Variants in IL1RAPL2 observed in about 807,000 individuals in gnomAD.
IL1RAPL2 encodes interleukin 1 receptor accessory protein like 2, also known as X-linked interleukin-1 receptor accessory protein-like 2.
A neutral mutation model predicts 44.1 loss-of-function variants in IL1RAPL2; 3 were observed. That is an observed-to-expected ratio of 0.07 (90% CI 0.03 to 0.18). The LOEUF (loss-of-function observed/expected upper bound fraction) is 0.18. Ranked by LOEUF, IL1RAPL2 falls within the 10% of genes least tolerant of loss-of-function variation. The probability of loss-of-function intolerance (pLI) is 1.00; values close to 1 mark genes in which losing one functional copy is unlikely to be tolerated. For missense variants in IL1RAPL2, 391 were observed against 496.4 expected (o/e 0.79, Z 2.02); for synonymous variants, 181 against 178.8 (o/e 1.01, Z -0.10).
chrX:105,041,272 A>G (rs772553162), intron 2 of IL1RAPL2, among the ~76,000 whole-genome samples: 2,928 of 110,783 alleles, frequency 0.026, 35 homozygotes, highest in Non-Finnish European at 0.04. Flanking sequence ...GTTCTTTTAC[A>G]TTTGCTGAGG....
chrX:105,014,874 C>T (rs1385310710), intron 2 of IL1RAPL2, among the ~76,000 whole-genome samples: 1 of 111,815 alleles, frequency 8.9e-6, no homozygotes, highest in Non-Finnish European at 1.9e-5. Context: ...GTTCTAGATC[C>T]TTGAGGAATT....
intron 1 of IL1RAPL2, among the ~76,000 whole-genome samples, chrX:104,611,831 C>T (rs1200712334): frequency 1.2e-4 from 7 of 57,444 alleles, no homozygotes; most frequent in African/African-American, 5.3e-4. Context: ...AGCGAGACTC[C>T]ATCTCAAAAA....
chrX:105,636,562 T>C (rs762139863), intron 6 of IL1RAPL2, among the ~76,000 whole-genome samples: 11 of 111,590 alleles, frequency 9.9e-5, no homozygotes, highest in African/African-American at 2.9e-4. Context: ...CAGATGTTAG[T>C]GTGAAACTGT....
intron 7 of IL1RAPL2, among the ~76,000 whole-genome samples, chrX:105,738,385 T>G (rs2038467765): frequency 9.0e-6 from 1 of 111,109 alleles, no homozygotes; most frequent in African/African-American, 3.3e-5. Flanking sequence ...TGGAGCTTGT[T>G]GTAATTGGGA....
chrX:105,486,942 A>G (rs1467566727), intron 6 of IL1RAPL2, among the ~76,000 whole-genome samples: 1 of 108,591 alleles, frequency 9.2e-6, no homozygotes, highest in Non-Finnish European at 1.9e-5. Flanking sequence ...AATACAAAAA[A>G]GCAGCCAGGC....
chrX:104,943,790 C>T (rs1267261963), intron 2 of IL1RAPL2, among the ~76,000 whole-genome samples: 1 of 111,838 alleles, frequency 8.9e-6, no homozygotes, highest in Non-Finnish European at 1.9e-5. Flanking sequence ...CTATCATGTT[C>T]ATTTTAAACT....
At chrX:105,207,323 A>G (rs1014873957) in intron 3 of IL1RAPL2, among the ~76,000 whole-genome samples, 3 of 111,744 alleles carry the variant, frequency 2.7e-5, no homozygotes, top group African/African-American at 3.2e-5. Context: ...TCAAACAAGC[A>G]TAACTCCCAT....
intron 5 of IL1RAPL2, among the ~76,000 whole-genome samples, chrX:105,306,483 A>C (rs751718296): frequency 2.0e-4 from 22 of 111,881 alleles, no homozygotes; most frequent in Admixed American, 1.9e-3. Context: ...TTAGTATCAC[A>C]CATTTCTTAG....
At chrX:104,826,702 C>T (rs1273390443) in intron 2 of IL1RAPL2, among the ~76,000 whole-genome samples, 3 of 110,380 alleles carry the variant, frequency 2.7e-5, no homozygotes, top group African/African-American at 6.6e-5. Context: ...CTAATATTGA[C>T]AGTGGGGTGT....
intron 6 of IL1RAPL2, among the ~76,000 whole-genome samples, chrX:105,576,250 G>T (rs1264696213): frequency 9.0e-6 from 1 of 110,829 alleles, no homozygotes; most frequent in Non-Finnish European, 1.9e-5. Context: ...ATCTAGAATG[G>T]TATTGTGTAG....
intron 5 of IL1RAPL2, among the ~76,000 whole-genome samples, chrX:105,275,831 T>G (rs981303184): frequency 2.7e-5 from 3 of 110,902 alleles, no homozygotes; most frequent in African/African-American, 9.9e-5. Context: ...ATCCCCATCT[T>G]ATAAGTCCTA....
intron 6 of IL1RAPL2, among the ~76,000 whole-genome samples, chrX:105,619,594 C>A (rs1015176272): frequency 2.7e-5 from 3 of 110,854 alleles, no homozygotes; most frequent in African/African-American, 9.8e-5. Context: ...ACATTTAATA[C>A]GTGATTGAGG....
At chrX:104,632,628 A>G (rs1425043157) in intron 1 of IL1RAPL2, among the ~76,000 whole-genome samples, 1 of 107,020 alleles carries the variant, frequency 9.3e-6, no homozygotes, top group Non-Finnish European at 1.9e-5. Context: ...TTCACTCATG[A>G]TTTGGCTCTC....
chrX:105,048,146 G>A (rs1489196857), intron 2 of IL1RAPL2, among the ~76,000 whole-genome samples: 1 of 111,666 alleles, frequency 9.0e-6, no homozygotes, highest in East Asian at 2.8e-4. Context: ...AAAAGAGAGA[G>A]AGGAACCACA....
At chrX:104,758,988 G>A (rs1932384445) in intron 2 of IL1RAPL2, among the ~76,000 whole-genome samples, 1 of 111,969 alleles carries the variant, frequency 8.9e-6, no homozygotes, top group Admixed American at 9.4e-5. Context: ...TTCACCCCCA[G>A]CCTCCTGCTG....
At chrX:104,636,532 C>G (rs1057425513) in intron 1 of IL1RAPL2, among the ~76,000 whole-genome samples, 2 of 112,261 alleles carry the variant, frequency 1.8e-5, no homozygotes, top group Admixed American at 9.4e-5. Flanking sequence ...CTACTCAAGC[C>G]TTGGCAATGG....
intron 2 of IL1RAPL2, among the ~76,000 whole-genome samples, chrX:105,031,151 G>A (rs995545166): frequency 5.7e-4 from 63 of 110,237 alleles, no homozygotes; most frequent in Non-Finnish European, 9.1e-4. Context: ...GGGCTGAGAC[G>A]ATGGGGTTTT....
intron 2 of IL1RAPL2, among the ~76,000 whole-genome samples, chrX:104,950,667 C>T (rs12687408): frequency 0.42 from 46,604 of 110,394 alleles, 7,203 homozygotes; most frequent in East Asian, 0.46. Context: ...AGGATGTAAT[C>T]TCCTGGTGAG....
At chrX:105,642,304 A>G (rs1028306405) in intron 6 of IL1RAPL2, among the ~76,000 whole-genome samples, 1 of 112,196 alleles carries the variant, frequency 8.9e-6, no homozygotes, top group African/African-American at 3.2e-5. Context: ...CTTCCCAAGT[A>G]ATATACAGAT....
Sources: allele counts gnomAD v4.1 joint callset (sites outside exome capture counted in the v4.1 genomes callset), GRCh38; gene constraint gnomAD v4.1.1; transcripts MANE v1.5; gene names NCBI Gene and HGNC (gene_info 2026-07-23, HGNC 2026-07-21).